Variants in KIF26B observed in about 807,000 individuals in gnomAD.
The protein encoded by KIF26B is kinesin-like protein KIF26B.
KIF26B carries 63 observed loss-of-function variants against 151.2 expected under a neutral mutation model. The ratio of observed to expected loss-of-function variants is 0.42; its 90% CI spans 0.34 to 0.51. KIF26B has a LOEUF of 0.51. Among genes scored for constraint, KIF26B ranks in the 20% least tolerant of loss-of-function variants. KIF26B has a pLI of 0.07. For missense variants in KIF26B, 2,813 were observed against 2,913.6 expected (o/e 0.97, Z 0.79); for synonymous variants, 1,357 against 1,262.1 (o/e 1.08, Z -1.59).
At chr1:245,463,458 T>C (rs1204937603) in intron 4 of KIF26B, among the ~76,000 whole-genome samples, 1 of 152,332 alleles carries the variant, frequency 6.6e-6, no homozygotes, top group East Asian at 1.9e-4. Flanking sequence ...CATGACGGGT[T>C]TTCTTTTTTC....
intron 2 of KIF26B, among the ~76,000 whole-genome samples, chr1:245,255,127 C>T (rs945408604): frequency 6.6e-6 from 1 of 152,202 alleles, no homozygotes; most frequent in South Asian, 2.1e-4. Flanking sequence ...TTCTCTTGCT[C>T]TCTCTTGTTC....
At chr1:245,315,658 G>A (rs926444954) in intron 2 of KIF26B, among the ~76,000 whole-genome samples, 2 of 151,522 alleles carry the variant, frequency 1.3e-5, no homozygotes, top group Admixed American at 1.3e-4. Context: ...GGAGGCGGAG[G>A]TTGCAGTGAG....
chr1:245,478,724 A>G (rs547259560), intron 4 of KIF26B, among the ~76,000 whole-genome samples: 1 of 151,706 alleles, frequency 6.6e-6, no homozygotes, highest in African/African-American at 2.4e-5. Context: ...CCTGACTTGC[A>G]TTTTAAAAGG....
At chr1:245,504,093 C>T (rs576228520) in intron 4 of KIF26B, among the ~76,000 whole-genome samples, 17 of 152,290 alleles carry the variant, frequency 1.1e-4, no homozygotes, top group African/African-American at 4.1e-4. Flanking sequence ...CTGCACACTT[C>T]TGGAGTAGAG....
intron 2 of KIF26B, among the ~76,000 whole-genome samples, chr1:245,273,149 A>G (rs921435325): frequency 3.3e-5 from 5 of 151,994 alleles, no homozygotes; most frequent in Non-Finnish European, 4.4e-5. Flanking sequence ...CACAGTGGCT[A>G]ACACCTGTAA....
At chr1:245,435,130 C>CCCAT (rs34535359) in intron 4 of KIF26B, among the ~76,000 whole-genome samples, 7,233 of 145,136 alleles carry the variant, frequency 0.05, 196 homozygotes, top group African/African-American at 0.06. Flanking sequence ...TCTCCATCTA[C>CCCAT]CCATCCATCC....
chr1:245,308,506 G>A (rs1397513992), intron 2 of KIF26B, among the ~76,000 whole-genome samples: 1 of 152,160 alleles, frequency 6.6e-6, no homozygotes, highest in African/African-American at 2.4e-5. Flanking sequence ...AACTTGAAGT[G>A]TGTTTTTAAA....
chr1:245,380,606 G>C (rs528036771), intron 3 of KIF26B, among the ~76,000 whole-genome samples: 1 of 152,302 alleles, frequency 6.6e-6, no homozygotes, highest in Admixed American at 6.5e-5. Context: ...GGCCTGTCAG[G>C]CGACCTGTGC....
At chr1:245,670,390 TA>T (rs1469841045) in intron 10 of KIF26B, among the ~76,000 whole-genome samples, 1 of 151,462 alleles carries the variant, frequency 6.6e-6, no homozygotes, top group Non-Finnish European at 1.5e-5. Flanking sequence ...AGTTGAGAAA[TA>T]AAGCTGTGTA....
At position 245,652,612 on chromosome 1, in the gene KIF26B, T is replaced by C. The variant is rs866256332; in HGVS notation, c.2258+6332T>C. Among the ~76,000 whole-genome samples the C allele has an allele frequency of 5.3e-5, 8 of 152,324 alleles. No individual in the cohort carries two copies. In the East Asian group the frequency reaches 7.7e-4, roughly 15 times the overall value. ...TACATTAATTCTGCCAGGCTCATTA[T>C]AGAACCACGCCAGTCACTCAGGGAG... On this transcript the variant is annotated intron_variant, in intron 10 of 14. Coordinates refer to ENST00000407071, the MANE Select transcript of KIF26B (RefSeq NM_018012.4).
chr1:245,235,916 A>G lies in KIF26B; in HGVS notation c.465+79233A>G, dbSNP rs183940722. Reference sequence around the variant, plus strand: ...CCCCACCACTATAAGCTGCTTGTACACACTGCATCACTTATTTTTTTTTTT... The same window carrying G: ...CCCCACCACTATAAGCTGCTTGTACGCACTGCATCACTTATTTTTTTTTTT... On this transcript the variant is annotated intron_variant, in intron 2 of 14. Coordinates refer to ENST00000407071, the MANE Select transcript of KIF26B (RefSeq NM_018012.4). Among the ~76,000 whole-genome samples the G allele has an allele frequency of 6.6e-3, 942 of 141,906 alleles. 7 individuals carry two copies. Among genetic ancestry groups the G allele is most frequent in the Non-Finnish European group, 9.9e-3 (660 of 66,698 alleles). The allele number at this position is 141,906 out of a possible 152,430, so 93.1% of individuals were successfully genotyped here.
chr1:245,565,822 G>A (rs1157930548), intron 5 of KIF26B, among the ~76,000 whole-genome samples: 2 of 152,202 alleles, frequency 1.3e-5, no homozygotes, highest in Non-Finnish European at 2.9e-5. Context: ...AATTTATAAA[G>A]AGGTTTAATT....
chr1:245,661,522 A>G (rs1384445153), intron 10 of KIF26B, among the ~76,000 whole-genome samples: 3 of 151,692 alleles, frequency 2.0e-5, no homozygotes, highest in African/African-American at 7.3e-5. Context: ...TATATTATAT[A>G]CAATATACAC....
At chr1:245,618,578 GCTT>G (rs1233716423) in intron 9 of KIF26B, among the ~76,000 whole-genome samples, 1 of 149,816 alleles carries the variant, frequency 6.7e-6, no homozygotes, top group Non-Finnish European at 1.5e-5. Context: ...CTGTTTGTGA[GCTT>G]GTCCAAGCCC....
intron 4 of KIF26B, among the ~76,000 whole-genome samples, chr1:245,467,327 T>C (rs971222211): frequency 1.3e-5 from 2 of 152,226 alleles, no homozygotes; most frequent in Non-Finnish European, 2.9e-5. Context: ...CAGATGCTTC[T>C]TCATGGAACA....
chr1:245,167,644 C>T lies in KIF26B; in HGVS notation c.465+10961C>T, dbSNP rs1668635769. ...TAAACAGCTGAATTCAGGCAAACAACTGGAAGCAGCCACCATTGTTTAAAA... is the reference window on the plus strand; with the variant it reads ...TAAACAGCTGAATTCAGGCAAACAATTGGAAGCAGCCACCATTGTTTAAAA... On this transcript the variant is annotated intron_variant, in intron 2 of 14. Transcript: ENST00000407071. This position sits in a 1 kb window ranked among gnomAD's most constrained non-coding sequence, Gnocchi z 4.2. Among the ~76,000 whole-genome samples the T allele has an allele frequency of 6.6e-6, 1 of 152,046 alleles. No individual in the cohort carries two copies. The highest frequency in any genetic ancestry group is 1.5e-5 in the Non-Finnish European group (1 of 68,036).
In KIF26B at chr1:245,687,221, C is replaced by A. The variant is rs1321607657; in HGVS notation, c.4238C>A (p.Thr1413Asn). The A allele has an allele frequency of 2.3e-5, 37 of 1,612,662 alleles. No homozygotes were observed. Among genetic ancestry groups the A allele is most frequent in the Non-Finnish European group, 3.0e-5 (35 of 1,179,660 alleles). The change falls in exon 12 of 15, where the codon ACC becomes AAC. Residue 1413 changes from threonine to asparagine, a missense_variant. Thr to Asn is a moderately conservative substitution (Grantham distance 65). Around this residue, in one of 3 missense-constraint regions of KIF26B, gnomAD observed 2,060 missense variants for 2,088.6 expected, o/e 0.99. Coordinates refer to ENST00000407071, the MANE Select transcript of KIF26B (RefSeq NM_018012.4). This position sits in a 1 kb window ranked among gnomAD's most constrained non-coding sequence, Gnocchi z 4.9. Reference protein sequence around the residue: ...NIQEPEAPTATPKAGPTLAQS... With the variant: ...NIQEPEAPTANPKAGPTLAQS... ...CAAGAGCCGGAGGCCCCCACCGCCA[C>A]CCCCAAAGCAGGCCCCACATTAGCC...
chr1:245,217,194 AAAC>A lies in KIF26B; in HGVS notation c.465+60520_465+60522del, dbSNP rs1469168320. The stretch of plus-strand genomic sequence containing the variant: ...AAGGAGAAAAGGGTGTCAATGGTTA[AAAC>A]AACAACAATGACAAGAACAACAAAA... On this transcript the variant is annotated intron_variant, in intron 2 of 14. Transcript: ENST00000407071. Among the ~76,000 whole-genome samples the A allele has an allele frequency of 3.3e-5, 5 of 152,352 alleles. No individual in the cohort carries two copies. The South Asian group carries it at 6.2e-4, about 19-fold the overall frequency.
At position 245,601,866 on chromosome 1, in the gene KIF26B, G is replaced by C. The variant is rs749433794; in HGVS notation, c.1351-711G>C. 2.6e-5 allele frequency among the ~76,000 whole-genome samples: 4 copies of C among 152,168 alleles called. No homozygotes were observed. The highest frequency in any genetic ancestry group is 4.8e-5 in the African/African-American group (2 of 41,404). ...CCTCGCTCGCCTGCAGGACGGGGCT[G>C]GGTTGGTGGTGGGTACCAGAGGTGC... On this transcript the variant is annotated intron_variant, in intron 5 of 14. Transcript: ENST00000407071. The surrounding 1 kb of genome is among the most constrained non-coding windows in gnomAD (Gnocchi z 4.4).
Sources: gnomAD v4.1 joint callset for allele counts (sites outside exome capture counted in the v4.1 genomes callset) on GRCh38, gnomAD v4.1.1 for gene constraint, gnomAD v4.1.1 regional missense constraint, Gnocchi (gnomAD v3.1) non-coding constraint, MANE v1.5 for transcripts, NCBI Gene and HGNC (gene_info 2026-07-23, HGNC 2026-07-21) for gene names.